Variants in SNX6 observed in about 807,000 individuals in gnomAD.
SNX6 encodes the protein sorting nexin 6.
In SNX6, 34 loss-of-function variants were observed where a neutral mutation model predicts 63.0. The observed-to-expected ratio is 0.54, with a 90% confidence interval of 0.41 to 0.72. The LOEUF (loss-of-function observed/expected upper bound fraction) is 0.72, where lower values mean the gene tolerates loss of function less well. Ranked by LOEUF, SNX6 falls within the 30% of genes least tolerant of loss-of-function variation. The pLI, the probability that SNX6 is intolerant of heterozygous loss-of-function variation, is 0.00. For synonymous variants in SNX6, 170 were observed against 164.2 expected (o/e 1.04, Z -0.27); for missense variants, 398 against 471.4 (o/e 0.84, Z 1.44).
intron 10 of SNX6, among the ~76,000 whole-genome samples, chr14:34,577,962 G>A (rs905333860): frequency 1.3e-5 from 2 of 152,124 alleles, no homozygotes; most frequent in African/African-American, 2.4e-5. Flanking sequence ...CCAGCACTAC[G>A]GGAGGACAAG....
intron 5 of SNX6, 53 bp downstream of exon 5, chr14:34,605,543 C>T (rs1882982346): frequency 1.4e-6 from 2 of 1,432,562 alleles, no homozygotes; most frequent in Non-Finnish European, 1.8e-6. Flanking sequence ...GCACAATTAA[C>T]AAAGGCAACA....
At position 34,567,693 on chromosome 14, in the gene SNX6, T is replaced by A; in HGVS notation, c.1160A>T (p.His387Leu). 1 of 1,611,892 alleles carries A rather than the reference T, an allele frequency of 6.2e-7. No homozygotes were observed. Among genetic ancestry groups the A allele is most frequent in the African/African-American group, 1.3e-5 (1 of 75,004 alleles). The change falls in exon 13 of 14, where the codon CAT becomes CTT. Residue 387 changes from histidine (H) to leucine (L), a missense_variant. His to Leu is a moderately conservative substitution (Grantham distance 99). Coordinates refer to ENST00000362031, the MANE Select transcript of SNX6 (RefSeq NM_152233.4). ...TCTTTATTACAACACTACCTTTGCA[T>A]GCTTCAGTTCTAACTCTGCCAGTTC... ...LVELAELELK[H>L]AKGNLQLLQN...
chr14:34,619,437 T>C (rs533900985), intron 2 of SNX6, among the ~76,000 whole-genome samples: 1 of 151,424 alleles, frequency 6.6e-6, no homozygotes, highest in East Asian at 1.9e-4. Context: ...AATATATATA[T>C]ATATATTTAG....
intron 11 of SNX6, 131 bp from the exon 12 acceptor site, chr14:34,568,144 ATT>A (rs35123961): frequency 0.01 from 4,589 of 450,614 alleles, no homozygotes; most frequent in South Asian, 0.015. Context: ...AGTTACTCCA[ATT>A]TTTTTTTTTT....
intron 11 of SNX6, chr14:34,568,891 T>C (rs1404261337): frequency 3.3e-6 from 4 of 1,207,064 alleles, no homozygotes; most frequent in Non-Finnish European, 4.9e-6. Context: ...ACATCCCCCA[T>C]AGATCTTGGT....
chr14:34,622,111 G>A (rs1248091862), intron 2 of SNX6, among the ~76,000 whole-genome samples: 4 of 150,824 alleles, frequency 2.7e-5, no homozygotes, highest in African/African-American at 4.9e-5. Context: ...GGCACCTACC[G>A]TCACACCTGG....
chr14:34,586,048 G>A (rs1882140191), intron 9 of SNX6, among the ~76,000 whole-genome samples, 182 bp downstream of exon 9: 1 of 152,136 alleles, frequency 6.6e-6, no homozygotes, highest in South Asian at 2.1e-4. Context: ...GATTACAGGT[G>A]TGTGTCACCC....
At chr14:34,629,975 G>A (rs1046893888) in intron 1 of SNX6, 21 bp from the exon 2 acceptor site, 6 of 1,531,502 alleles carry the variant, frequency 3.9e-6, no homozygotes, top group Non-Finnish European at 5.3e-6. Context: ...GGCGGGCACG[G>A]CGCGCCGGGG....
intron 2 of SNX6, among the ~76,000 whole-genome samples, chr14:34,616,473 G>A (rs924207445): frequency 2.0e-5 from 3 of 152,006 alleles, no homozygotes; most frequent in African/African-American, 4.8e-5. Flanking sequence ...GGGATCAAGC[G>A]ATCATTCCAT....
At chr14:34,629,181 G>A (rs575678952) in intron 2 of SNX6, among the ~76,000 whole-genome samples, 13 of 151,960 alleles carry the variant, frequency 8.6e-5, no homozygotes, top group Non-Finnish European at 4.4e-5. Context: ...GATATGTCAG[G>A]TTGATTTTGG....
chr14:34,595,085 C>G (rs567734627), intron 7 of SNX6, among the ~76,000 whole-genome samples: 20 of 151,828 alleles, frequency 1.3e-4, no homozygotes, highest in Non-Finnish European at 2.4e-4. Context: ...AGAGCAAGAC[C>G]CTGTCTCAAA....
intron 9 of SNX6, 123 bp from the exon 10 acceptor site, chr14:34,581,723 C>T (rs1881943742): frequency 1.9e-6 from 1 of 520,028 alleles, no homozygotes; most frequent in South Asian, 3.6e-5. Flanking sequence ...TATTCAATAG[C>T]CTTATTAACT....
At chr14:34,569,022 G>A (rs1594692397) in intron 11 of SNX6, 4 of 1,459,186 alleles carry the variant, frequency 2.7e-6, no homozygotes, top group African/African-American at 1.4e-5. Flanking sequence ...GCAGCTTGAC[G>A]GTGTCCACCC....
chr14:34,568,131 G>T, intron 11 of SNX6, 118 bp from the exon 12 acceptor site: 2 of 750,290 alleles, frequency 2.7e-6, no homozygotes, highest in Non-Finnish European at 4.0e-6. Flanking sequence ...AATACTACAT[G>T]CCAGTTACTC....
chr14:34,578,895 C>T lies in SNX6; in HGVS notation c.834+2666G>A, dbSNP rs571295899. ...CGGAGGTTTCAGTGAGCCAAGATCG[C>T]GCCACTGCACTCCAGCCTGGCGACA... On this transcript the variant is annotated intron_variant, in intron 10 of 13. Coordinates refer to ENST00000362031, the MANE Select transcript of SNX6 (RefSeq NM_152233.4). Among the ~76,000 whole-genome samples the T allele has an allele frequency of 8.9e-5, 11 of 123,092 alleles. No individual in the cohort carries two copies. In the East Asian group the frequency reaches 1.7e-3, roughly 19 times the overall value. 80.8% of individuals were successfully genotyped at this position (123,092 alleles called of 152,430 possible).
intron 11 of SNX6, among the ~76,000 whole-genome samples, chr14:34,569,908 T>C (rs909743403): frequency 1.3e-5 from 2 of 152,186 alleles, no homozygotes; most frequent in Non-Finnish European, 2.9e-5. Context: ...AGGAATGAAA[T>C]CACTGAGTCA....
At chr14:34,628,094 T>G (rs1037744306) in intron 2 of SNX6, among the ~76,000 whole-genome samples, 1 of 152,172 alleles carries the variant, frequency 6.6e-6, no homozygotes, top group African/African-American at 2.4e-5. Context: ...CTCACGCCTA[T>G]AATCGCAGGA....
intron 2 of SNX6, among the ~76,000 whole-genome samples, chr14:34,626,003 C>T (rs1030228182): frequency 6.6e-6 from 1 of 152,130 alleles, no homozygotes. Context: ...CCATTTGTTG[C>T]TGTGTGACCT....
chr14:34,573,150 A>C (rs1364124140), intron 11 of SNX6, among the ~76,000 whole-genome samples: 1 of 152,002 alleles, frequency 6.6e-6, no homozygotes, highest in Non-Finnish European at 1.5e-5. Flanking sequence ...CTAATTTTCA[A>C]AATATTTTGT....
Sources: gnomAD v4.1 joint callset for allele counts (sites outside exome capture counted in the v4.1 genomes callset) on GRCh38, gnomAD v4.1.1 for gene constraint, MANE v1.5 for transcripts, NCBI Gene and HGNC (gene_info 2026-07-23, HGNC 2026-07-21) for gene names.